TELO2: variants seen among roughly 807,000 people sequenced by gnomAD.
TELO2 encodes telomere maintenance 2.
A neutral mutation model predicts 91.0 loss-of-function variants in TELO2; 71 were observed. That is an observed-to-expected ratio of 0.78 (90% CI 0.64 to 0.95). The LOEUF is 0.95. TELO2 is among the 40% of genes least tolerant of loss of function. The pLI, the probability that TELO2 is intolerant of heterozygous loss-of-function variation, is 0.00. For missense variants in TELO2, 1,183 were observed against 1,141.3 expected, an observed-to-expected ratio of 1.04 and a Z score of -0.53; for synonymous variants, 584 against 518.9, an observed-to-expected ratio of 1.13 and a Z score of -1.71.
chr16:1,501,647 C>A lies in TELO2; in HGVS notation c.1362-16C>A. ...GAGGGGCCCCTAAAGGATTTTTGTT[C>A]CTTGTTTCCTTAAAGCACGTCCCTC... On this transcript the variant is annotated splice_polypyrimidine_tract_variant and intron_variant, in intron 10 of 20. Coordinates refer to ENST00000262319, the MANE Select transcript of TELO2 (RefSeq NM_016111.4). 6.3e-7 allele frequency: 1 copy of A among 1,598,534 alleles called. No individual in the cohort carries two copies. Among genetic ancestry groups the A allele is most frequent in the Non-Finnish European group, 8.5e-7 (1 of 1,172,624 alleles).
chr16:1,506,256 C>T lies in TELO2; in HGVS notation c.2053C>T (p.Pro685Ser). ...CTGGCAGGGTGGCCCGAGGCAGGGC[C>T]CGGCAGGCAGCCCCAGCAGATTCAA... ...RLSKGGPRQG[P>S]AGSPSRFNSV... Residue 685 changes from proline to serine, a missense_variant, in exon 17 of 21, where the codon CCG (proline) becomes TCG (serine). Transcript: ENST00000262319. 6.2e-7 allele frequency: 1 copy of T among 1,613,676 alleles called. No homozygotes were observed. The highest frequency in any genetic ancestry group is 8.5e-7 in the Non-Finnish European group (1 of 1,180,010).
chr16:1,496,259 C>T (rs1183947511), intron 3 of TELO2, among the ~76,000 whole-genome samples: 1 of 152,226 alleles, frequency 6.6e-6, no homozygotes, highest in Non-Finnish European at 1.5e-5. Context: ...TCAGGGGCAC[C>T]CTGGGGTCCT....
chr16:1,506,243 C>T lies in TELO2; in HGVS notation c.2040C>T (p.Gly680=). 1 of 1,613,660 alleles carries T rather than the reference C, an allele frequency of 6.2e-7. No individual in the cohort carries two copies. The highest frequency in any genetic ancestry group is 8.5e-7 in the Non-Finnish European group (1 of 1,179,980). The change falls in exon 17 of 21, where the codon GGC becomes GGT. Residue 680 remains glycine (G), a synonymous_variant. Transcript: ENST00000262319. ...GCTGTAGTTGTGTCTGGCAGGGTGG[C>T]CCGAGGCAGGGCCCGGCAGGCAGCC... ...RSKTQRLSKG[G]PRQGPAGSPS... is the part of the protein sequence containing the mutation.
chr16:1,495,354 T>A lies in TELO2; in HGVS notation c.344T>A (p.Phe115Tyr). 1 of 1,547,416 alleles carries A rather than the reference T, an allele frequency of 6.5e-7. No individual in the cohort carries two copies. ...ETIEGAAGPS[F>Y]RLMKMARLLA... Reference sequence around the variant, plus strand: ...CACGCCCGTATCTTCAGCCCCAGCTTCCGGCTGATGAAGATGGCGCGGCTG... The same window carrying A: ...CACGCCCGTATCTTCAGCCCCAGCTACCGGCTGATGAAGATGGCGCGGCTG... Residue 115 changes from phenylalanine to tyrosine, a missense_variant, in exon 3 of 21, where the codon TTC becomes TAC. By Grantham distance (22) the Phe-to-Tyr change is conservative (BLOSUM62 3). Transcript: ENST00000262319.
chr16:1,495,172 G>T (rs537099538), intron 2 of TELO2, among the ~76,000 whole-genome samples, 174 bp from the exon 3 acceptor site: 2 of 152,164 alleles, frequency 1.3e-5, no homozygotes, highest in South Asian at 2.1e-4. Context: ...CACAGTAATC[G>T]CAGTTATTTA....
chr16:1,508,034 TC>T (rs1346961470), intron 20 of TELO2, among the ~76,000 whole-genome samples: 1 of 151,984 alleles, frequency 6.6e-6, no homozygotes, highest in African/African-American at 2.4e-5. Flanking sequence ...ACTGGCCGTT[TC>T]CCTCCTTTGG....
chr16:1,502,377 C>T lies in TELO2; in HGVS notation c.1626C>T (p.Val542=), dbSNP rs2039722881. Residue 542 remains valine (V), a synonymous_variant, in exon 13 of 21, where the codon GTC becomes GTT. Coordinates refer to ENST00000262319, the MANE Select transcript of TELO2 (RefSeq NM_016111.4). ...CCCTGCGGGCCCTTGAGGGCCTGGT[C>T]TACAGGAGCCCCACAGCCACTCGGG... The part of the protein sequence containing the change: ...EAALRALEGL[V]YRSPTATREV... The T allele has an allele frequency of 1.9e-6, 3 of 1,603,346 alleles. No individual in the cohort carries two copies. Among genetic ancestry groups the T allele is most frequent in the Non-Finnish European group, 2.5e-6 (3 of 1,176,900 alleles).
rs1352341817 is a variant in TELO2 at position 1,505,445 on chromosome 16, T to C, written c.1878T>C (p.Pro626=). Residue 626 remains proline, a synonymous_variant, in exon 16 of 21, where the codon CCT becomes CCC. Transcript: ENST00000262319. This position sits in a 1 kb window ranked among gnomAD's most constrained non-coding sequence, Gnocchi z 4.3. ...LTLAAQELSR[P]GCLGRTPQPG... is the part of the protein sequence containing the mutation. ...TGGCTGCCCAGGAGCTGTCTAGGCC[T>C]GGGTGCCTCGGGAGGACTCCCCAAC... 6.2e-7 allele frequency: 1 copy of C among 1,612,990 alleles called. No individual in the cohort carries two copies. The highest frequency in any genetic ancestry group is 1.3e-5 in the African/African-American group (1 of 74,946).
Position 1,506,239 on chromosome 16 carries a change from G to C in TELO2, c.2036G>C (p.Gly679Ala). Residue 679 changes from glycine (G) to alanine (A), a missense_variant and splice_region_variant, in exon 17 of 21, where the codon GGT becomes GCT. Transcript: ENST00000262319. ...GATCGCTGTAGTTGTGTCTGGCAGGGTGGCCCGAGGCAGGGCCCGGCAGGC... is the reference window on the plus strand; with the variant it reads ...GATCGCTGTAGTTGTGTCTGGCAGGCTGGCCCGAGGCAGGGCCCGGCAGGC... ...IRSKTQRLSK[G>A]GPRQGPAGSP... The C allele has an allele frequency of 6.2e-7, 1 of 1,613,626 alleles. No individual in the cohort carries two copies.
Position 1,505,713 on chromosome 16 carries a change from G to A in TELO2, c.2034+112G>A. On this transcript the variant is annotated intron_variant, in intron 16 of 20. Coordinates refer to ENST00000262319, the MANE Select transcript of TELO2 (RefSeq NM_016111.4). The surrounding 1 kb of genome is among the most constrained non-coding windows in gnomAD (Gnocchi z 4.3). ...AGCGAGGGGCGGCCACATTCGCTGG[G>A]GATGGTGCCTTTGCCGGGATTCCTG... The A allele has an allele frequency of 1.5e-6, 2 of 1,310,028 alleles. No homozygotes were observed. The highest frequency in any genetic ancestry group is 4.8e-5 in the Admixed American group (2 of 41,538). The allele number at this position is 1,310,028 out of a possible 1,614,324, so 81.2% of individuals were successfully genotyped here.
rs1361216075 is a variant in TELO2 at position 1,501,486 on chromosome 16, G to A, written c.1348G>A (p.Ala450Thr). The A allele has an allele frequency of 1.9e-6, 3 of 1,609,386 alleles. No homozygotes were observed. The highest frequency in any genetic ancestry group is 1.7e-6 in the Non-Finnish European group (2 of 1,178,104). The change falls in exon 10 of 21, where the codon GCC becomes ACC. Residue 450 changes from alanine to threonine, a missense_variant. Coordinates refer to ENST00000262319, the MANE Select transcript of TELO2 (RefSeq NM_016111.4). ...LASPQPAGDG[A>T]SEAGTSLVPA... ...CTCCCCCCAGCCTGCGGGTGACGGC[G>A]CCTCGGAGGCGGGGTGAGGGTCTCT...
At chr16:1,504,757 C>T (rs192755808) in intron 15 of TELO2, among the ~76,000 whole-genome samples, 61 of 151,916 alleles carry the variant, frequency 4.0e-4, no homozygotes, top group African/African-American at 1.4e-3. Flanking sequence ...CGGGGTTTCA[C>T]TGTGTTAGCC....
chr16:1,498,516 C>T (rs1354542997), intron 5 of TELO2, among the ~76,000 whole-genome samples: 2 of 152,092 alleles, frequency 1.3e-5, no homozygotes, highest in Non-Finnish European at 2.9e-5. Flanking sequence ...TAGCTCACTG[C>T]AGCCTCGACC....
chr16:1,502,241 C>G, intron 12 of TELO2, 72 bp from the exon 13 acceptor site: 1 of 1,568,772 alleles, frequency 6.4e-7, no homozygotes, highest in Non-Finnish European at 8.6e-7. Context: ...CGGGGTGCCG[C>G]CCGTGCTGCT....
At chr16:1,506,121 C>A (rs562218361) in intron 16 of TELO2, 117 bp from the exon 17 acceptor site, 1 of 1,148,968 alleles carries the variant, frequency 8.7e-7, no homozygotes, top group Non-Finnish European at 1.3e-6. Flanking sequence ...AAGAGTAGCC[C>A]GGGGAGGCAA....
intron 3 of TELO2, among the ~76,000 whole-genome samples, chr16:1,496,422 G>C (rs2039495011): frequency 6.6e-6 from 1 of 152,240 alleles, no homozygotes; most frequent in Non-Finnish European, 1.5e-5. Flanking sequence ...GTAGCCCTAG[G>C]CTTGCAGCTG....
chr16:1,504,651 G>A lies in TELO2; in HGVS notation c.1843-759G>A, dbSNP rs538958436. Among the ~76,000 whole-genome samples, 45 of 134,758 alleles carry A rather than the reference G, an allele frequency of 3.3e-4. 1 individual carries two copies. Among genetic ancestry groups the A allele is most frequent in the African/African-American group, 9.9e-4 (35 of 35,444 alleles). 88.4% of individuals were successfully genotyped at this position (134,758 alleles called of 152,430 possible). On this transcript the variant is annotated intron_variant, in intron 15 of 20. Coordinates refer to ENST00000262319, the MANE Select transcript of TELO2 (RefSeq NM_016111.4). ...TGACTCACTGCAAGCTCCCCCTCCCGGGTTCACGCCATTCTCCTGCCTCAG... is the reference window on the plus strand; with the variant it reads ...TGACTCACTGCAAGCTCCCCCTCCCAGGTTCACGCCATTCTCCTGCCTCAG...
intron 10 of TELO2, 31 bp from the exon 11 acceptor site, chr16:1,501,632 T>C (rs1396747282): frequency 6.3e-7 from 1 of 1,590,392 alleles, no homozygotes; most frequent in Non-Finnish European, 8.6e-7. Context: ...GAGGGGCCCC[T>C]AAAGGATTTT....
intron 12 of TELO2, 56 bp from the exon 13 acceptor site, chr16:1,502,257 T>C: frequency 6.4e-7 from 1 of 1,566,926 alleles, no homozygotes; most frequent in African/African-American, 1.4e-5. Context: ...CTGCTGGCTC[T>C]CATGGGTTCA....
Sources: allele counts gnomAD v4.1 joint callset (sites outside exome capture counted in the v4.1 genomes callset), GRCh38; gene constraint gnomAD v4.1.1; non-coding constraint Gnocchi (gnomAD v3.1); transcripts MANE v1.5; gene names NCBI Gene and HGNC (gene_info 2026-07-23, HGNC 2026-07-21).